The following UBE2E3 variants were observed in gnomAD, a reference collection of about 807,000 sequenced individuals.
The protein encoded by UBE2E3 is ubiquitin-conjugating enzyme E2 E3.
UBE2E3 carries 5 observed loss-of-function variants against 23.6 expected under a neutral mutation model. The observed-to-expected ratio is 0.21, with a 90% CI of 0.11 to 0.44. The LOEUF is 0.44. Ranked by LOEUF, UBE2E3 falls within the 20% of genes least tolerant of loss-of-function variation. UBE2E3 has a pLI of 0.99. For synonymous variants in UBE2E3, 78 were observed against 87.5 expected (o/e 0.89, Z 0.60); for missense variants, 81 against 249.8 (o/e 0.32, Z 4.55).
chr2:181,042,151 T>C (rs1017684064), intron 3 of UBE2E3, among the ~76,000 whole-genome samples: 1 of 152,260 alleles, frequency 6.6e-6, no homozygotes, highest in African/African-American at 2.4e-5. Context: ...CTCTTAAGTC[T>C]ACCCTATCCC....
intron 3 of UBE2E3, among the ~76,000 whole-genome samples, chr2:181,008,898 A>G (rs1462464800): frequency 1.6e-5 from 2 of 126,012 alleles, no homozygotes; most frequent in African/African-American, 3.1e-5. Flanking sequence ...TCAGTCTTGC[A>G]GTATGTGCTT....
At chr2:181,044,864 T>C (rs1198308457) in intron 3 of UBE2E3, among the ~76,000 whole-genome samples, 1 of 152,196 alleles carries the variant, frequency 6.6e-6, no homozygotes, top group Non-Finnish European at 1.5e-5. Context: ...ATAGTAGTTA[T>C]ATAATGTCAG....
chr2:181,057,370 A>G lies in UBE2E3; in HGVS notation c.246-323A>G, dbSNP rs140511558. 2.4e-3 allele frequency among the ~76,000 whole-genome samples: 366 copies of G among 151,694 alleles called. 1 individual carries two copies. Among genetic ancestry groups the G allele is most frequent in the African/African-American group, 8.6e-3 (353 of 41,276 alleles). The stretch of plus-strand genomic sequence containing the variant: ...GTGACTCAGAAAAAAGTATGTCTCT[A>G]TGCATGCTTGCAGGTTTAGAGGGGT... On this transcript the variant is annotated intron_variant, in intron 3 of 5. Transcript: ENST00000410062.
At chr2:180,987,394 G>A in intron 3 of UBE2E3, 1 of 1,549,798 alleles carries the variant, frequency 6.5e-7, no homozygotes, top group East Asian at 2.4e-5. Flanking sequence ...AGTTTAGAAA[G>A]GTACTGGATT....
chr2:180,993,240 G>T (rs1035571875), intron 3 of UBE2E3, among the ~76,000 whole-genome samples: 2 of 152,174 alleles, frequency 1.3e-5, no homozygotes, highest in Non-Finnish European at 2.9e-5. Flanking sequence ...AAAAATCCCA[G>T]TTCCTTCTTT....
intron 3 of UBE2E3, among the ~76,000 whole-genome samples, chr2:180,995,008 C>T (rs772859018): frequency 2.6e-5 from 4 of 152,256 alleles, no homozygotes; most frequent in Middle Eastern, 3.4e-3. Context: ...AATTTTGTAG[C>T]CACCTCCTGT....
chr2:180,985,314 G>A (rs976614440), intron 3 of UBE2E3, among the ~76,000 whole-genome samples: 4 of 152,098 alleles, frequency 2.6e-5, no homozygotes, highest in Non-Finnish European at 5.9e-5. Flanking sequence ...GTGGCTATTG[G>A]CCTCTTCAGT....
At position 180,982,027 on chromosome 2, in the gene UBE2E3, A is replaced by G; in HGVS notation, c.-16A>G. 1.9e-6 allele frequency: 3 copies of G among 1,597,872 alleles called. No homozygotes were observed. Among genetic ancestry groups the G allele is most frequent in the Non-Finnish European group, 2.6e-6 (3 of 1,174,554 alleles). ...CTGTTCTCTTTAAAAGTTTTCCAAGAGATAACTTCACCAAGATGTCCAGTG... is the reference window on the plus strand; with the variant it reads ...CTGTTCTCTTTAAAAGTTTTCCAAGGGATAACTTCACCAAGATGTCCAGTG... On this transcript the variant is annotated 5_prime_UTR_variant, in exon 2 of 6. Coordinates refer to ENST00000410062, the MANE Select transcript of UBE2E3 (RefSeq NM_006357.4).
At chr2:180,988,154 C>T (rs964851478) in intron 3 of UBE2E3, among the ~76,000 whole-genome samples, 32 of 152,048 alleles carry the variant, frequency 2.1e-4, no homozygotes, top group African/African-American at 7.7e-4. Flanking sequence ...AGTTTTGTAG[C>T]AGTGTAAATC....
chr2:181,045,261 T>G (rs1233089506), intron 3 of UBE2E3, among the ~76,000 whole-genome samples: 2 of 152,196 alleles, frequency 1.3e-5, no homozygotes, highest in Non-Finnish European at 2.9e-5. Context: ...TTGTTACAGC[T>G]TTTTGAGGTG....
At chr2:180,997,219 C>G (rs193197746) in intron 3 of UBE2E3, among the ~76,000 whole-genome samples, 20 of 151,678 alleles carry the variant, frequency 1.3e-4, no homozygotes, top group Non-Finnish European at 4.4e-5. Flanking sequence ...ACTTATTATC[C>G]ACTATCCAGC....
In UBE2E3 at chr2:180,984,962, AAT is replaced by A. The variant is rs562526876; in HGVS notation, c.245+870_245+871del. Among the ~76,000 whole-genome samples the A allele has an allele frequency of 3.3e-5, 5 of 152,222 alleles. No homozygotes were observed. The South Asian group carries it at 1.0e-3, about 32-fold the overall frequency. On this transcript the variant is annotated intron_variant, in intron 3 of 5. Coordinates refer to ENST00000410062, the MANE Select transcript of UBE2E3 (RefSeq NM_006357.4). ...CTCAATAATGCGAGTGGCTGCAAGGAATTAGGCAGTTTTATGGTTTGATAGGA... is the reference window on the plus strand; with the variant it reads ...CTCAATAATGCGAGTGGCTGCAAGGATAGGCAGTTTTATGGTTTGATAGGA...
chr2:181,059,762 C>A (rs1329156192), intron 4 of UBE2E3, among the ~76,000 whole-genome samples: 1 of 151,656 alleles, frequency 6.6e-6, no homozygotes, highest in Non-Finnish European at 1.5e-5. Context: ...CCTCCTCCCC[C>A]ACTAAACTAG....
chr2:181,032,813 C>G (rs986849261), intron 3 of UBE2E3, among the ~76,000 whole-genome samples: 2 of 152,158 alleles, frequency 1.3e-5, no homozygotes, highest in Non-Finnish European at 2.9e-5. Context: ...TCTCCTTAAG[C>G]TGATAAGCAA....
intron 3 of UBE2E3, among the ~76,000 whole-genome samples, chr2:181,038,094 C>G (rs1043864737): frequency 2.6e-5 from 4 of 152,178 alleles, no homozygotes; most frequent in Non-Finnish European, 4.4e-5. Context: ...ATACATCCTA[C>G]GCCTTCACTA....
chr2:180,985,074 G>A (rs1684414961), intron 3 of UBE2E3, among the ~76,000 whole-genome samples: 1 of 152,114 alleles, frequency 6.6e-6, no homozygotes, highest in South Asian at 2.1e-4. Flanking sequence ...GTCTGCTTGT[G>A]ATATAATAGG....
chr2:181,056,970 A>G (rs73039098), intron 3 of UBE2E3, among the ~76,000 whole-genome samples: 5,598 of 151,800 alleles, frequency 0.037, 293 homozygotes, highest in East Asian at 0.19. Flanking sequence ...TCAGCCAGAA[A>G]TGCGTTACAT....
intron 3 of UBE2E3, among the ~76,000 whole-genome samples, chr2:181,005,411 A>G (rs1471156320): frequency 6.6e-6 from 1 of 152,244 alleles, no homozygotes; most frequent in Non-Finnish European, 1.5e-5. Flanking sequence ...CCACTGCTCT[A>G]TCCCCAGGAT....
At chr2:181,027,613 T>C (rs1685937977) in intron 3 of UBE2E3, among the ~76,000 whole-genome samples, 1 of 151,942 alleles carries the variant, frequency 6.6e-6, no homozygotes, top group African/African-American at 2.4e-5. Flanking sequence ...TGAAGGTCCT[T>C]AATAAAACAG....
Sources: gnomAD v4.1 joint callset for allele counts (sites outside exome capture counted in the v4.1 genomes callset) on GRCh38, gnomAD v4.1.1 for gene constraint, MANE v1.5 for transcripts, NCBI Gene and HGNC (gene_info 2026-07-23, HGNC 2026-07-21) for gene names.